The following PRKG1 variants were observed in gnomAD, a reference collection of about 807,000 sequenced individuals.
PRKG1 encodes cGMP-dependent protein kinase 1.
Under a neutral mutation model 88.1 loss-of-function variants are expected in PRKG1, and 35 were observed. That is an observed-to-expected ratio of 0.40 (90% CI 0.30 to 0.53). The LOEUF is 0.53. Ranked by LOEUF, PRKG1 falls within the 20% of genes least tolerant of loss-of-function variation. The probability of loss-of-function intolerance (pLI) is 0.59; values close to 1 mark genes in which losing one functional copy is unlikely to be tolerated. For synonymous variants in PRKG1, 303 were observed against 292.5 expected (o/e 1.04, Z -0.37); for missense variants, 540 against 839.8 (o/e 0.64, Z 4.41).
intron 2 of PRKG1, among the ~76,000 whole-genome samples, chr10:51,260,052 A>G (rs992039904): frequency 1.3e-5 from 2 of 152,170 alleles, no homozygotes; most frequent in African/African-American, 4.8e-5. Flanking sequence ...ATACACTCAC[A>G]TGTGTGCAAC....
intron 4 of PRKG1, among the ~76,000 whole-genome samples, chr10:51,874,637 A>AC (rs1841247897): frequency 6.6e-6 from 1 of 152,196 alleles, no homozygotes; most frequent in Non-Finnish European, 1.5e-5. Flanking sequence ...AGAAGAAGAC[A>AC]TCTGAGTTAA....
chr10:51,947,900 G>A (rs1843089697), intron 5 of PRKG1, among the ~76,000 whole-genome samples: 1 of 152,054 alleles, frequency 6.6e-6, no homozygotes, highest in African/African-American at 2.4e-5. Context: ...GAAACGTGAA[G>A]GAAAACTCAG....
chr10:52,186,468 T>TC (rs1441073379), intron 9 of PRKG1, among the ~76,000 whole-genome samples: 1 of 151,970 alleles, frequency 6.6e-6, no homozygotes, highest in African/African-American at 2.4e-5. Flanking sequence ...TGAAGGATTT[T>TC]CCCCCAGGAT....
chr10:51,530,499 A>G (rs1041022572), intron 3 of PRKG1, among the ~76,000 whole-genome samples: 5 of 152,166 alleles, frequency 3.3e-5, no homozygotes, highest in African/African-American at 1.2e-4. Context: ...CTGCCAGGCT[A>G]TTCCAAATCA....
At chr10:51,094,831 C>T (rs1844490974) in intron 1 of PRKG1, among the ~76,000 whole-genome samples, 1 of 152,254 alleles carries the variant, frequency 6.6e-6, no homozygotes, top group South Asian at 2.1e-4. Flanking sequence ...ATAGACCTTA[C>T]AGTTTATAAG....
At chr10:51,036,601 A>G (rs1843357128) in intron 1 of PRKG1, among the ~76,000 whole-genome samples, 1 of 152,134 alleles carries the variant, frequency 6.6e-6, no homozygotes, top group Non-Finnish European at 1.5e-5. Flanking sequence ...CAATAGCTTC[A>G]TTTATTCTCA....
intron 2 of PRKG1, among the ~76,000 whole-genome samples, chr10:51,207,096 C>A (rs1838082165): frequency 6.6e-6 from 1 of 152,052 alleles, no homozygotes; most frequent in African/African-American, 2.4e-5. Flanking sequence ...GAAACAATTT[C>A]TGATTTCAAT....
chr10:51,286,151 A>T (rs888821894), intron 2 of PRKG1, among the ~76,000 whole-genome samples: 1 of 152,030 alleles, frequency 6.6e-6, no homozygotes, highest in African/African-American at 2.4e-5. Context: ...TTGTATTTTT[A>T]GTAGCAATGG....
intron 2 of PRKG1, among the ~76,000 whole-genome samples, chr10:51,286,720 A>C (rs910481237): frequency 1.3e-5 from 2 of 152,192 alleles, no homozygotes; most frequent in Non-Finnish European, 2.9e-5. Context: ...CCCTTTAGCT[A>C]TTTGAAACTA....
At chr10:51,636,411 T>C (rs1839657204) in intron 3 of PRKG1, among the ~76,000 whole-genome samples, 2 of 152,232 alleles carry the variant, frequency 1.3e-5, no homozygotes, top group African/African-American at 4.8e-5. Context: ...GGTTATTCTG[T>C]TCATGTTTTA....
intron 9 of PRKG1, among the ~76,000 whole-genome samples, chr10:52,167,473 T>G (rs1838516332): frequency 6.6e-6 from 1 of 152,164 alleles, no homozygotes; most frequent in Non-Finnish European, 1.5e-5. Flanking sequence ...ATTATAAACA[T>G]TTATAATACT....
At chr10:52,220,655 G>A (rs1156969755) in intron 9 of PRKG1, among the ~76,000 whole-genome samples, 1 of 152,026 alleles carries the variant, frequency 6.6e-6, no homozygotes, top group Non-Finnish European at 1.5e-5. Context: ...ACTTATAAGT[G>A]AGAACATGCA....
chr10:51,527,763 T>C (rs1006775705), intron 3 of PRKG1, among the ~76,000 whole-genome samples: 1 of 152,190 alleles, frequency 6.6e-6, no homozygotes, highest in Admixed American at 6.5e-5. Context: ...TTATACAAAG[T>C]CTTTTGTTTC....
upstream of PRKG1, chr10:51,074,243 A>T (rs970576206): frequency 1.3e-5 from 3 of 224,130 alleles, no homozygotes; most frequent in African/African-American, 7.0e-5. Context: ...CGGAGCCCCC[A>T]TTCACGTCCC....
At position 52,193,528 on chromosome 10, in the gene PRKG1, A is replaced by G. The variant is rs1472747392; in HGVS notation, c.1076+31565A>G. ...GCACTAGTGCACTCCAGCCTGAACA[A>G]AAAGAGTGAGACTCTGTCTCAAAAA... is the stretch of plus-strand genomic sequence containing the variant. On this transcript the variant is annotated intron_variant, in intron 9 of 17. Transcript: ENST00000373980. Among the ~76,000 whole-genome samples the G allele has an allele frequency of 6.0e-5, 9 of 148,770 alleles. No individual in the cohort carries two copies. In the East Asian group the frequency reaches 1.6e-3, roughly 27 times the overall value.
chr10:51,895,654 T>G (rs542117159), intron 4 of PRKG1, among the ~76,000 whole-genome samples: 62 of 152,218 alleles, frequency 4.1e-4, no homozygotes, highest in Admixed American at 2.2e-3. Context: ...TTCCCTATAT[T>G]GTTCTCTTTT....
At chr10:51,472,916 A>G (rs1351879964) in intron 3 of PRKG1, among the ~76,000 whole-genome samples, 2 of 151,948 alleles carry the variant, frequency 1.3e-5, no homozygotes, top group African/African-American at 2.4e-5. Flanking sequence ...ATTTTTACCA[A>G]GAATCCTGAA....
At chr10:51,912,137 T>C (rs1316414367) in intron 5 of PRKG1, among the ~76,000 whole-genome samples, 2 of 152,174 alleles carry the variant, frequency 1.3e-5, no homozygotes, top group Non-Finnish European at 2.9e-5. Flanking sequence ...TGGGGAGCCA[T>C]GTGCATCTGG....
chr10:51,400,272 T>G (rs952321555), intron 2 of PRKG1, among the ~76,000 whole-genome samples: 1 of 152,098 alleles, frequency 6.6e-6, no homozygotes, highest in Non-Finnish European at 1.5e-5. Flanking sequence ...CAAGGAAAAA[T>G]CAGCTTGATG....
Sources: gnomAD v4.1 joint callset for allele counts (sites outside exome capture counted in the v4.1 genomes callset) on GRCh38, gnomAD v4.1.1 for gene constraint, MANE v1.5 for transcripts, NCBI Gene and HGNC (gene_info 2026-07-23, HGNC 2026-07-21) for gene names.